The following ATIC variants were observed in gnomAD, a reference collection of about 807,000 sequenced individuals.
ATIC encodes bifunctional purine biosynthesis protein ATIC.
A neutral mutation model predicts 72.5 loss-of-function variants in ATIC; 64 were observed. That is an observed-to-expected ratio of 0.88 (90% confidence interval 0.72 to 1.09). The LOEUF (loss-of-function observed/expected upper bound fraction) is 1.09. ATIC is among the 50% of genes least tolerant of loss of function. The pLI is 0.00. For missense variants in ATIC, 787 were observed against 732.4 expected (o/e 1.07, Z -0.86); for synonymous variants, 281 against 267.1 (o/e 1.05, Z -0.51).
downstream of ATIC, among the ~76,000 whole-genome samples, chr2:215,351,358 G>C (rs538744759): frequency 6.6e-6 from 1 of 152,290 alleles, no homozygotes; most frequent in African/African-American, 2.4e-5. Flanking sequence ...AAAGTTCTGG[G>C]GTAATTATGT....
the ATIC span, among the ~76,000 whole-genome samples, chr2:215,358,349 G>C: frequency 1.3e-5 from 2 of 151,530 alleles, no homozygotes; most frequent in African/African-American, 4.9e-5. Flanking sequence ...CCTAAATATA[G>C]ATTTTTCTTT....
chr2:215,338,871 G>A lies in ATIC; in HGVS notation c.1191G>A (p.Lys397=). ...AGAGAAATAATGGTGTCGTCGACAA[G>A]TCATTATTTAGCAATGTTGTTACCA... ...SQKRNNGVVD[K]SLFSNVVTKN... Residue 397 remains lysine (K), a synonymous_variant, in exon 12 of 16, where the codon AAG becomes AAA. Transcript: ENST00000236959. The A allele has an allele frequency of 1.2e-6, 2 of 1,613,802 alleles. No individual in the cohort carries two copies. Among genetic ancestry groups the A allele is most frequent in the Non-Finnish European group, 1.7e-6 (2 of 1,179,828 alleles).
At chr2:215,348,965 AAAAT>A in intron 14 of ATIC, 125 bp from the exon 15 acceptor site, 9 of 796,624 alleles carry the variant, frequency 1.1e-5, no homozygotes, top group South Asian at 6.1e-5. Context: ...TAAAAAAAAA[AAAAT>A]AATAATAATA....
At chr2:215,368,098 G>T in the ATIC span, 1 of 1,474,338 alleles carries the variant, frequency 6.8e-7, no homozygotes, top group South Asian at 1.2e-5. Context: ...GAAGAAAATC[G>T]AATGACTGTA....
the ATIC span, among the ~76,000 whole-genome samples, chr2:215,354,798 T>G: frequency 2.0e-5 from 3 of 151,424 alleles, no homozygotes; most frequent in Admixed American, 6.6e-5. Context: ...TACTATTCTT[T>G]TAAAGTCTCT....
At chr2:215,350,770 CTG>C (rs1280013284), downstream of ATIC, among the ~76,000 whole-genome samples, 1 of 152,188 alleles carries the variant, frequency 6.6e-6, no homozygotes, top group Non-Finnish European at 1.5e-5. Flanking sequence ...ACCTGTGCAT[CTG>C]TGTGTCCTGC....
At chr2:215,323,105 C>T (rs1264046363) in intron 4 of ATIC, among the ~76,000 whole-genome samples, 2 of 152,116 alleles carry the variant, frequency 1.3e-5, no homozygotes, top group Non-Finnish European at 2.9e-5. Context: ...CTACCATGCG[C>T]AGCTAATTTT....
At chr2:215,354,718 A>G (rs559860812), downstream of ATIC, among the ~76,000 whole-genome samples, 7 of 148,344 alleles carry the variant, frequency 4.7e-5, no homozygotes, top group Admixed American at 1.4e-4. Context: ...TTCTTTTCCA[A>G]TTGTTGGTAT....
chr2:215,325,358 TGAGAG>T (rs1559270147), intron 5 of ATIC, 29 bp downstream of exon 5: 1 of 1,502,902 alleles, frequency 6.7e-7, no homozygotes, highest in African/African-American at 1.4e-5. Context: ...TTTAGAAGAC[TGAGAG>T]GAGAGGATTA....
chr2:215,318,128 T>C, intron 2 of ATIC, 29 bp from the exon 3 acceptor site: 1 of 1,584,034 alleles, frequency 6.3e-7, no homozygotes, highest in Non-Finnish European at 8.7e-7. Context: ...GCCACACCAG[T>C]AGTACCATTC....
At chr2:215,312,382 AG>A (rs1351135579) in intron 1 of ATIC, 115 bp from the exon 2 acceptor site, 5 of 1,573,480 alleles carry the variant, frequency 3.2e-6, no homozygotes, top group Non-Finnish European at 4.4e-6. Flanking sequence ...CTGCGAACGC[AG>A]GGTCCAGGTG....
At chr2:215,336,765 A>G (rs1220441162) in intron 11 of ATIC, among the ~76,000 whole-genome samples, 1 of 152,210 alleles carries the variant, frequency 6.6e-6, no homozygotes, top group Non-Finnish European at 1.5e-5. Flanking sequence ...AATAACCTAG[A>G]AAAGTCCTGA....
chr2:215,332,519 T>C lies in ATIC; in HGVS notation c.814+12T>C, dbSNP rs1233904923. On this transcript the variant is annotated intron_variant, in intron 8 of 15. Coordinates refer to ENST00000236959, the MANE Select transcript of ATIC (RefSeq NM_004044.7). ...TGTCAGCCCAGCAGGTAAAGCTCTGTGCTCTGGAAAGCTCCAGAATTGTTC... is the reference window on the plus strand; with the variant it reads ...TGTCAGCCCAGCAGGTAAAGCTCTGCGCTCTGGAAAGCTCCAGAATTGTTC... 1.2e-6 allele frequency: 2 copies of C among 1,613,996 alleles called. No individual in the cohort carries two copies. The highest frequency in any genetic ancestry group is 1.7e-6 in the Non-Finnish European group (2 of 1,180,020).
chr2:215,348,533 T>C (rs1156915798), intron 14 of ATIC, among the ~76,000 whole-genome samples: 2 of 152,160 alleles, frequency 1.3e-5, no homozygotes, highest in African/African-American at 4.8e-5. Flanking sequence ...AATAAACTGA[T>C]TTGGAAAGTA....
chr2:215,323,443 G>T (rs2052791253), intron 4 of ATIC, among the ~76,000 whole-genome samples: 2 of 152,044 alleles, frequency 1.3e-5, no homozygotes, highest in South Asian at 4.1e-4. Flanking sequence ...GTGAACATGG[G>T]GTGTCTTTAA....
chr2:215,312,619 A>G lies in ATIC; in HGVS notation c.141A>G (p.Ala47=). The change falls in exon 2 of 16, where the codon GCA becomes GCG. Residue 47 remains alanine, a synonymous_variant. Transcript: ENST00000236959. ...AAGCTCTCAGGGATGCTGGTCTGGC[A>G]GTCAGGTAAGGCATAGCTAGTTCCA... is the stretch of plus-strand genomic sequence containing the variant. The part of the protein sequence containing the change: ...TAKALRDAGL[A]VRDVSELTGF... 1 of 1,614,204 alleles carries G rather than the reference A, an allele frequency of 6.2e-7. No homozygotes were observed.
intron 6 of ATIC, 119 bp from the exon 7 acceptor site, chr2:215,326,703 G>A (rs1575117239): frequency 8.1e-7 from 1 of 1,234,648 alleles, no homozygotes; most frequent in East Asian, 2.3e-5. Context: ...ATCGTGTTGT[G>A]CAGCCACCAC....
At chr2:215,329,078 G>A (rs2052861961) in intron 7 of ATIC, among the ~76,000 whole-genome samples, 1 of 152,158 alleles carries the variant, frequency 6.6e-6, no homozygotes, top group Non-Finnish European at 1.5e-5. Context: ...AATCCCCAGG[G>A]CTTAGAAGAC....
At position 215,325,250 on chromosome 2, in the gene ATIC, C is replaced by A. The variant is rs774089396; in HGVS notation, c.300C>A (p.Ala100=). The A allele has an allele frequency of 5.0e-6, 8 of 1,613,266 alleles. No homozygotes were observed. The Admixed American group carries it at 1.3e-4, about 27-fold the overall frequency. Residue 100 remains alanine, a synonymous_variant, in exon 5 of 16, where the codon GCC becomes GCA. Transcript: ENST00000236959. ...RLDFNLIRVV[A]CNLYPFVKTV... ...CGTCTTTGTTTTATAGAGTTGTTGC[C>A]TGCAATCTCTATCCCTTTGTAAAGA...
Sources: gnomAD v4.1 joint callset for allele counts (sites outside exome capture counted in the v4.1 genomes callset) on GRCh38, gnomAD v4.1.1 for gene constraint, MANE v1.5 for transcripts, NCBI Gene and HGNC (gene_info 2026-07-23, HGNC 2026-07-21) for gene names.